GNAZ: variants seen among roughly 807,000 people sequenced by gnomAD.
GNAZ encodes G protein subunit alpha z.
In GNAZ, 3 loss-of-function variants were observed where a neutral mutation model predicts 25.4. The ratio of observed to expected loss-of-function variants is 0.12; its 90% CI spans 0.05 to 0.30. The LOEUF (loss-of-function observed/expected upper bound fraction) is 0.30, where lower values mean the gene tolerates loss of function less well. GNAZ is among the 10% of genes least tolerant of loss of function. GNAZ has a pLI of 1.00. For synonymous variants in GNAZ, 211 were observed against 205.7 expected (o/e 1.03, Z -0.22); for missense variants, 241 against 501.8 (o/e 0.48, Z 4.97).
chr22:23,119,931 C>T (rs1167442169), intron 2 of GNAZ, among the ~76,000 whole-genome samples: 2 of 152,172 alleles, frequency 1.3e-5, no homozygotes, highest in Non-Finnish European at 2.9e-5. Context: ...CATGGTTTGT[C>T]TCAAGGAATA....
intron 1 of GNAZ, among the ~76,000 whole-genome samples, chr22:23,092,300 T>C (rs1359628503): frequency 6.6e-6 from 1 of 152,158 alleles, no homozygotes; most frequent in Non-Finnish European, 1.5e-5. Context: ...AAGGTCCCAT[T>C]TGAACCACAG....
intron 1 of GNAZ, among the ~76,000 whole-genome samples, chr22:23,085,689 G>A (rs1292386851): frequency 2.6e-5 from 4 of 152,198 alleles, no homozygotes; most frequent in African/African-American, 9.6e-5. Context: ...CCTCCGCCCT[G>A]GTTGTCCCAG....
intron 1 of GNAZ, among the ~76,000 whole-genome samples, chr22:23,083,407 G>A (rs2068732206): frequency 6.6e-6 from 1 of 152,168 alleles, no homozygotes; most frequent in Admixed American, 6.5e-5. Context: ...CCCTTTGCAG[G>A]CTGCTGGGAA....
intron 2 of GNAZ, among the ~76,000 whole-genome samples, chr22:23,102,475 C>T (rs376928808): frequency 7.2e-5 from 11 of 152,380 alleles, no homozygotes; most frequent in East Asian, 5.8e-4. Flanking sequence ...CTGGGAGCTT[C>T]CAAGGGTGGG....
intron 2 of GNAZ, among the ~76,000 whole-genome samples, chr22:23,097,287 C>T (rs1240551814): frequency 6.6e-6 from 1 of 152,188 alleles, no homozygotes; most frequent in Non-Finnish European, 1.5e-5. Flanking sequence ...CACTGGCCTC[C>T]GAGGTCACTC....
At chr22:23,096,887 G>T (rs1569173611) in intron 2 of GNAZ, among the ~76,000 whole-genome samples, 1 of 152,340 alleles carries the variant, frequency 6.6e-6, no homozygotes, top group South Asian at 2.1e-4. Context: ...CAGGTGTTGG[G>T]ATTCTTTCAC....
At chr22:23,092,793 C>A (rs747420833) in intron 1 of GNAZ, among the ~76,000 whole-genome samples, 58 of 152,230 alleles carry the variant, frequency 3.8e-4, no homozygotes, top group Non-Finnish European at 8.2e-4. Flanking sequence ...TTGGACAGAG[C>A]AGCTTCTCTG....
chr22:23,123,125 C>T lies in GNAZ; in HGVS notation c.762C>T (p.Ile254=). 6.2e-7 allele frequency: 1 copy of T among 1,613,984 alleles called. No individual in the cohort carries two copies. Among genetic ancestry groups the T allele is most frequent in the Non-Finnish European group, 8.5e-7 (1 of 1,179,820 alleles). Residue 254 remains isoleucine, a synonymous_variant, in exon 3 of 3, where the codon ATC becomes ATT. Transcript: ENST00000615612. The part of the protein sequence containing the change: ...MAESLRLFDS[I]CNNNWFINTS... ...AGAGCTTGCGCCTCTTTGACTCCATCTGCAACAACAACTGGTTCATCAACA... is the reference window on the plus strand; with the variant it reads ...AGAGCTTGCGCCTCTTTGACTCCATTTGCAACAACAACTGGTTCATCAACA...
chr22:23,120,076 G>A (rs947233640), intron 2 of GNAZ, among the ~76,000 whole-genome samples: 5 of 152,190 alleles, frequency 3.3e-5, no homozygotes, highest in African/African-American at 7.2e-5. Flanking sequence ...CCGCAGTGGC[G>A]GAATCCTGAT....
intron 2 of GNAZ, among the ~76,000 whole-genome samples, chr22:23,110,690 ACT>A (rs1442288648): frequency 6.6e-6 from 1 of 151,930 alleles, no homozygotes; most frequent in Non-Finnish European, 1.5e-5. Flanking sequence ...GTGGTGTGAG[ACT>A]CTGAGGGTGA....
chr22:23,075,132 T>C (rs1162457427), intron 1 of GNAZ, among the ~76,000 whole-genome samples: 1 of 152,134 alleles, frequency 6.6e-6, no homozygotes, highest in Non-Finnish European at 1.5e-5. Flanking sequence ...GGGGATGTAG[T>C]GGCCCCTGTG....
chr22:23,072,814 C>T (rs1011423746), intron 1 of GNAZ, among the ~76,000 whole-genome samples: 1 of 152,206 alleles, frequency 6.6e-6, no homozygotes, highest in Non-Finnish European at 1.5e-5. Flanking sequence ...TCTAGAATCT[C>T]AGGAGGAACC....
intron 1 of GNAZ, among the ~76,000 whole-genome samples, chr22:23,078,918 T>G (rs2068589082): frequency 6.6e-6 from 1 of 152,150 alleles, no homozygotes; most frequent in African/African-American, 2.4e-5. Context: ...GCGGGGGCTG[T>G]GCGTCTACCC....
chr22:23,086,763 A>T (rs1260645638), intron 1 of GNAZ, among the ~76,000 whole-genome samples: 1 of 152,266 alleles, frequency 6.6e-6, no homozygotes, highest in African/African-American at 2.4e-5. Flanking sequence ...ATGGGGCTGC[A>T]GCATCTGTGG....
chr22:23,123,239 G>A lies in GNAZ; in HGVS notation c.876G>A (p.Lys292=). ...IPLTICFPEY[K]GQNTYEEAAV... ...TCACCATCTGCTTTCCCGAGTACAA[G>A]GGCCAGAACACGTACGAGGAGGCCG... is the stretch of plus-strand genomic sequence containing the variant. The change falls in exon 3 of 3, where the codon AAG becomes AAA. Residue 292 remains lysine, a synonymous_variant. Coordinates refer to ENST00000615612, the MANE Select transcript of GNAZ (RefSeq NM_002073.4). 2 of 1,614,188 alleles carry A rather than the reference G, an allele frequency of 1.2e-6. No homozygotes were observed. Among genetic ancestry groups the A allele is most frequent in the Non-Finnish European group, 1.7e-6 (2 of 1,180,040 alleles).
intron 2 of GNAZ, among the ~76,000 whole-genome samples, chr22:23,107,457 C>T (rs917874354): frequency 6.6e-6 from 1 of 152,164 alleles, no homozygotes; most frequent in East Asian, 1.9e-4. Flanking sequence ...TCATGAAAAC[C>T]CAGGGCCTGA....
intron 1 of GNAZ, among the ~76,000 whole-genome samples, chr22:23,089,155 A>G (rs1463234206): frequency 6.6e-6 from 1 of 152,184 alleles, no homozygotes; most frequent in Admixed American, 6.5e-5. Context: ...TCTCTGAGGA[A>G]GTCAGGCACA....
intron 2 of GNAZ, among the ~76,000 whole-genome samples, chr22:23,107,160 A>G (rs1186598690): frequency 2.0e-5 from 3 of 152,218 alleles, no homozygotes; most frequent in Non-Finnish European, 4.4e-5. Flanking sequence ...TGCTGTTACT[A>G]TGAGCACTAC....
chr22:23,123,443 C>T lies in GNAZ; in HGVS notation c.*12C>T, dbSNP rs530527005. 6.7e-5 allele frequency: 105 copies of T among 1,565,188 alleles called. No homozygotes were observed. The highest frequency in any genetic ancestry group is 1.1e-4 in the South Asian group (10 of 89,386). ...TTGGCCTTTGCTGAGGAGCTGGGCCCGGGGCCCGCCTGCCTATGGTGAAAC... is the reference window on the plus strand; with the variant it reads ...TTGGCCTTTGCTGAGGAGCTGGGCCTGGGGCCCGCCTGCCTATGGTGAAAC... On this transcript the variant is annotated 3_prime_UTR_variant, in exon 3 of 3. Transcript: ENST00000615612.
Sources: gnomAD v4.1 joint callset for allele counts (sites outside exome capture counted in the v4.1 genomes callset) on GRCh38, gnomAD v4.1.1 for gene constraint, MANE v1.5 for transcripts, NCBI Gene and HGNC (gene_info 2026-07-23, HGNC 2026-07-21) for gene names.